NAALADL2: variants seen among roughly 807,000 people sequenced by gnomAD.
The protein encoded by NAALADL2 is N-acetylated alpha-linked acidic dipeptidase like 2, also known as inactive N-acetylated-alpha-linked acidic dipeptidase-like protein 2.
In NAALADL2, 76 loss-of-function variants were observed where a neutral mutation model predicts 87.2. That is an observed-to-expected ratio of 0.87 (90% CI 0.72 to 1.05). The LOEUF is 1.05. NAALADL2 is among the 50% of genes least tolerant of loss of function. The pLI, the probability that NAALADL2 is intolerant of heterozygous loss-of-function variation, is 0.00. For missense variants in NAALADL2, 1,089 were observed against 945.8 expected (o/e 1.15, Z -1.99); for synonymous variants, 354 against 331.0 (o/e 1.07, Z -0.75).
At chr3:175,666,183 G>C (rs1277672731) in intron 11 of NAALADL2, among the ~76,000 whole-genome samples, 2 of 151,966 alleles carry the variant, frequency 1.3e-5, no homozygotes, top group African/African-American at 4.8e-5. Context: ...GAATGTGTTG[G>C]TGTATGGCAT....
intron 1 of NAALADL2, among the ~76,000 whole-genome samples, chr3:175,062,420 G>C (rs753378611): frequency 1.3e-5 from 2 of 151,084 alleles, no homozygotes; most frequent in Admixed American, 6.6e-5. Context: ...CACTTAACTT[G>C]TAATAATGAT....
intron 1 of NAALADL2, among the ~76,000 whole-genome samples, chr3:174,528,225 A>C (rs1720941008): frequency 6.6e-6 from 1 of 152,210 alleles, no homozygotes; most frequent in South Asian, 2.1e-4. Flanking sequence ...TACTGAATAA[A>C]AATGCCTATT....
chr3:175,311,189 C>T (rs1314874677), intron 4 of NAALADL2, among the ~76,000 whole-genome samples: 1 of 151,480 alleles, frequency 6.6e-6, no homozygotes, highest in African/African-American at 2.4e-5. Context: ...CTTTCTGGTC[C>T]CCACTCTGGA....
At chr3:174,447,015 A>G (rs1458883993) in intron 1 of NAALADL2, among the ~76,000 whole-genome samples, 1 of 152,176 alleles carries the variant, frequency 6.6e-6, no homozygotes, top group East Asian at 1.9e-4. Flanking sequence ...AGGTATCTTC[A>G]AGTAAAATGG....
chr3:175,276,287 C>T (rs943899224), intron 4 of NAALADL2, among the ~76,000 whole-genome samples: 5 of 150,136 alleles, frequency 3.3e-5, no homozygotes, highest in Admixed American at 2.7e-4. Flanking sequence ...AGGTTTTTGT[C>T]GCTTTGCAAA....
intron 5 of NAALADL2, among the ~76,000 whole-genome samples, chr3:175,337,634 G>T (rs1310127432): frequency 6.6e-6 from 1 of 152,066 alleles, no homozygotes; most frequent in Non-Finnish European, 1.5e-5. Flanking sequence ...CCAGAATTTT[G>T]AAGACATAAA....
At chr3:175,368,546 T>G (rs1765983375) in intron 5 of NAALADL2, among the ~76,000 whole-genome samples, 2 of 150,588 alleles carry the variant, frequency 1.3e-5, no homozygotes, top group East Asian at 4.0e-4. Flanking sequence ...TTTTATACTT[T>G]GAAAGGACTG....
intron 9 of NAALADL2, among the ~76,000 whole-genome samples, chr3:175,545,087 T>C (rs1194976788): frequency 6.6e-6 from 1 of 152,154 alleles, no homozygotes; most frequent in Non-Finnish European, 1.5e-5. Flanking sequence ...TTTAGATTTT[T>C]CCAAAAACAT....
intron 1 of NAALADL2, among the ~76,000 whole-genome samples, chr3:174,929,419 C>T (rs533290658): frequency 2.0e-5 from 3 of 152,206 alleles, no homozygotes; most frequent in Non-Finnish European, 2.9e-5. Context: ...ATTCTACCTT[C>T]CTTATTCTCC....
At chr3:174,561,252 T>G (rs914206101) in intron 2 of NAALADL2, among the ~76,000 whole-genome samples, 31 of 146,306 alleles carry the variant, frequency 2.1e-4, no homozygotes, top group Non-Finnish European at 2.4e-4. Flanking sequence ...CAGGCTGGAG[T>G]GCAGTGGTGC....
intron 12 of NAALADL2, among the ~76,000 whole-genome samples, chr3:175,753,079 AT>A (rs963050264): frequency 1.3e-5 from 2 of 152,142 alleles, no homozygotes; most frequent in African/African-American, 2.4e-5. Flanking sequence ...TTGCAACCTC[AT>A]TTTGTTGTGA....
intron 1 of NAALADL2, among the ~76,000 whole-genome samples, chr3:174,940,652 T>G (rs1238042801): frequency 1.3e-5 from 2 of 152,114 alleles, no homozygotes; most frequent in African/African-American, 4.8e-5. Context: ...CTGAGCATTT[T>G]TTTGGTTGGT....
chr3:174,975,998 G>A (rs1744308975), intron 1 of NAALADL2, among the ~76,000 whole-genome samples: 3 of 152,172 alleles, frequency 2.0e-5, no homozygotes, highest in African/African-American at 7.2e-5. Flanking sequence ...GAGATAATAA[G>A]TGTTTGTTGT....
At chr3:175,257,693 C>T (rs775346515) in intron 4 of NAALADL2, among the ~76,000 whole-genome samples, 1 of 151,864 alleles carries the variant, frequency 6.6e-6, no homozygotes, top group Non-Finnish European at 1.5e-5. Context: ...ATCATGCTGC[C>T]TTTATACTGA....
chr3:175,354,934 GTATA>G (rs1201983081), intron 5 of NAALADL2, among the ~76,000 whole-genome samples: 1 of 146,946 alleles, frequency 6.8e-6, no homozygotes, highest in Non-Finnish European at 1.5e-5. Flanking sequence ...GTGTATATGT[GTATA>G]TATATAATTT....
At chr3:175,801,779 CAAT>C (rs1394243391) in intron 13 of NAALADL2, among the ~76,000 whole-genome samples, 1 of 152,054 alleles carries the variant, frequency 6.6e-6, no homozygotes, top group African/African-American at 2.4e-5. Flanking sequence ...CGAAATAAGA[CAAT>C]GATGCAATAA....
At chr3:174,441,672 T>A (rs1714647622) in intron 1 of NAALADL2, among the ~76,000 whole-genome samples, 1 of 151,844 alleles carries the variant, frequency 6.6e-6, no homozygotes, top group Non-Finnish European at 1.5e-5. Context: ...ACATTTGCCC[T>A]ACAGTTGCAT....
chr3:175,151,129 G>A (rs1375054139), intron 2 of NAALADL2, among the ~76,000 whole-genome samples: 2 of 152,190 alleles, frequency 1.3e-5, no homozygotes, highest in African/African-American at 2.4e-5. Context: ...ATGAGACTGA[G>A]CTTCTGGTCT....
intron 1 of NAALADL2, among the ~76,000 whole-genome samples, chr3:175,051,503 A>G (rs983654639): frequency 7.2e-5 from 11 of 152,182 alleles, no homozygotes; most frequent in Admixed American, 6.5e-5. Flanking sequence ...CCTAGAGGTC[A>G]CAGGTAGTCC....
Sources: allele counts gnomAD v4.1 joint callset (sites outside exome capture counted in the v4.1 genomes callset), GRCh38; gene constraint gnomAD v4.1.1; transcripts MANE v1.5; gene names NCBI Gene and HGNC (gene_info 2026-07-23, HGNC 2026-07-21).